The following VTA1 variants were observed in gnomAD, a reference collection of about 807,000 sequenced individuals.
The protein encoded by VTA1 is vesicle trafficking 1, also known as vacuolar protein sorting-associated protein VTA1 homolog.
A neutral mutation model predicts 36.9 loss-of-function variants in VTA1; 24 were observed. That is an observed-to-expected ratio of 0.65 (90% CI 0.47 to 0.91). The LOEUF (loss-of-function observed/expected upper bound fraction) is 0.91, where lower values mean the gene tolerates loss of function less well. Among genes scored for constraint, VTA1 ranks in the 40% least tolerant of loss-of-function variants. The pLI is 0.00. For synonymous variants in VTA1, 142 were observed against 130.2 expected, an observed-to-expected ratio of 1.09 and a Z score of -0.62; for missense variants, 393 against 377.2, an observed-to-expected ratio of 1.04 and a Z score of -0.35.
chr6:142,189,274 C>T lies in VTA1; in HGVS notation c.412-152C>T, dbSNP rs1775405027. 3 of 543,052 alleles carry T rather than the reference C, an allele frequency of 5.5e-6. No individual in the cohort carries two copies. In the South Asian group the frequency reaches 9.2e-5, roughly 17 times the overall value. The allele number at this position is 543,052 out of a possible 1,614,324, so 33.6% of individuals were successfully genotyped here. A position where few individuals can be genotyped will look rare whatever the true frequency, so the allele number is the denominator to read the frequency against. On this transcript the variant is annotated intron_variant, in intron 4 of 7. Transcript: ENST00000367630. ...TCAAGCCTTAAATACTTGGTGGATT[C>T]CAGCAATAGGGTGGGGTATTGCCAG...
At chr6:142,181,060 T>C (rs1337933150) in intron 4 of VTA1, among the ~76,000 whole-genome samples, 2 of 106,134 alleles carry the variant, frequency 1.9e-5, no homozygotes, top group Admixed American at 2.0e-4. Flanking sequence ...TGTCTTCAAT[T>C]TACTCTTAAA....
At chr6:142,154,510 GTAATTGCATGTTTAGTTTTA>G (rs1314217870) in intron 1 of VTA1, among the ~76,000 whole-genome samples, 1 of 152,010 alleles carries the variant, frequency 6.6e-6, no homozygotes, top group East Asian at 1.9e-4. Flanking sequence ...AGATCATATG[GTAATTGCATGTTTAGTTTTA>G]TAAGAAGCTG....
intron 1 of VTA1, among the ~76,000 whole-genome samples, chr6:142,156,216 A>T (rs892720681): frequency 2.6e-5 from 4 of 152,180 alleles, no homozygotes; most frequent in Non-Finnish European, 5.9e-5. Flanking sequence ...GAATAAACAA[A>T]GTCAGATTAA....
intron 2 of VTA1, among the ~76,000 whole-genome samples, chr6:142,168,634 G>A (rs1488763175): frequency 6.6e-6 from 1 of 151,172 alleles, no homozygotes; most frequent in African/African-American, 2.4e-5. Flanking sequence ...GTATATATTT[G>A]TCTAATTTTT....
chr6:142,150,916 A>G (rs1778555936), intron 1 of VTA1, among the ~76,000 whole-genome samples: 1 of 150,934 alleles, frequency 6.6e-6, no homozygotes, highest in Admixed American at 6.6e-5. Flanking sequence ...CCATCTCCAA[A>G]AAAAAAAAAA....
intron 2 of VTA1, among the ~76,000 whole-genome samples, chr6:142,166,810 G>T (rs111684031): frequency 6.6e-6 from 1 of 152,008 alleles, no homozygotes; most frequent in African/African-American, 2.4e-5. Flanking sequence ...TATTTTGGTA[G>T]AGATGGAGTT....
chr6:142,189,847 C>T (rs373348007), intron 5 of VTA1, among the ~76,000 whole-genome samples: 22 of 152,110 alleles, frequency 1.4e-4, no homozygotes, highest in African/African-American at 4.3e-4. Flanking sequence ...AGCTCCGCCT[C>T]GCAGGTTCAT....
chr6:142,150,352 A>G (rs1778544746), intron 1 of VTA1, among the ~76,000 whole-genome samples: 1 of 152,204 alleles, frequency 6.6e-6, no homozygotes. Context: ...CAATTTTCCA[A>G]TTCTTGACTT....
intron 4 of VTA1, among the ~76,000 whole-genome samples, chr6:142,176,976 G>A (rs1216760144): frequency 2.0e-5 from 3 of 152,148 alleles, no homozygotes; most frequent in South Asian, 2.1e-4. Context: ...GTACTGGAAC[G>A]TTTCAAAGTG....
At chr6:142,212,396 A>G (rs1229472590) in intron 7 of VTA1, among the ~76,000 whole-genome samples, 1 of 152,228 alleles carries the variant, frequency 6.6e-6, no homozygotes, top group East Asian at 1.9e-4. Flanking sequence ...GCATATTACA[A>G]AGTGAAAGGA....
rs574447625 is a variant in VTA1, at chr6:142,166,260, A to T, written c.145A>T (p.Ile49Phe). Residue 49 changes from isoleucine to phenylalanine, a missense_variant, in exon 2 of 8, where the codon ATC becomes TTC. Transcript: ENST00000367630. ...ATACGCAATGCAGACTGGAATGAAG[A>T]TCGATAGTAAAACTCCTGAATGTCG... ...RLYAMQTGMK[I>F]DSKTPECRKF... is the part of the protein sequence containing the mutation. 2.2e-5 allele frequency: 35 copies of T among 1,612,536 alleles called. 1 individual carries two copies. In the South Asian group the frequency reaches 3.6e-4, roughly 17 times the overall value.
At chr6:142,197,068 A>T (rs373735190) in intron 5 of VTA1, among the ~76,000 whole-genome samples, 1 of 152,260 alleles carries the variant, frequency 6.6e-6, no homozygotes. Context: ...CATAAAATCA[A>T]ATGTTACCTG....
chr6:142,169,405 T>C (rs1774986527), intron 2 of VTA1, 145 bp from the exon 3 acceptor site: 2 of 912,506 alleles, frequency 2.2e-6, no homozygotes, highest in Non-Finnish European at 3.2e-6. Flanking sequence ...GCATAGCAGC[T>C]CTTTTTGCAA....
intron 7 of VTA1, among the ~76,000 whole-genome samples, chr6:142,210,141 A>G (rs1428351544): frequency 1.3e-5 from 2 of 152,182 alleles, no homozygotes; most frequent in Non-Finnish European, 2.9e-5. Context: ...ATTTTTGACA[A>G]AGATGCCGAG....
At chr6:142,181,094 A>AT (rs1554219841) in intron 4 of VTA1, among the ~76,000 whole-genome samples, 2,003 of 36,322 alleles carry the variant, frequency 0.055, 60 homozygotes, top group South Asian at 0.079. Context: ...AAAAAAAAAA[A>AT]ATATATATAT....
chr6:142,148,416 T>G (rs537119220), intron 1 of VTA1, among the ~76,000 whole-genome samples: 21 of 152,192 alleles, frequency 1.4e-4, no homozygotes, highest in Non-Finnish European at 2.6e-4. Context: ...ACCACTTCTG[T>G]GGGCAGCAAA....
chr6:142,166,805 T>C (rs1404417872), intron 2 of VTA1, among the ~76,000 whole-genome samples: 1 of 152,174 alleles, frequency 6.6e-6, no homozygotes, highest in East Asian at 1.9e-4. Context: ...TTGTATATTT[T>C]GGTAGAGATG....
intron 5 of VTA1, among the ~76,000 whole-genome samples, chr6:142,198,133 G>A (rs1428753312): frequency 4.9e-5 from 7 of 142,112 alleles, no homozygotes; most frequent in African/African-American, 1.9e-4. Flanking sequence ...GTGTGTGTGT[G>A]TGTGTGTGTG....
intron 4 of VTA1, among the ~76,000 whole-genome samples, chr6:142,176,503 T>C (rs1775127978): frequency 2.6e-5 from 4 of 152,204 alleles, no homozygotes; most frequent in Middle Eastern, 3.4e-3. Context: ...CTCTGAATTA[T>C]AGTGAGAAAA....
Sources: allele counts gnomAD v4.1 joint callset (sites outside exome capture counted in the v4.1 genomes callset), GRCh38; gene constraint gnomAD v4.1.1; transcripts MANE v1.5; gene names NCBI Gene and HGNC (gene_info 2026-07-23, HGNC 2026-07-21).